Variants in NELL1 observed in about 807,000 individuals in gnomAD.
NELL1 encodes the protein protein kinase C-binding protein NELL1.
Under a neutral mutation model 107.4 loss-of-function variants are expected in NELL1, and 76 were observed. The ratio of observed to expected loss-of-function variants is 0.71; its 90% CI spans 0.59 to 0.86. The LOEUF is 0.86. NELL1 is among the 40% of genes least tolerant of loss of function. The pLI is 0.00. For missense variants in NELL1, 1,024 were observed against 1,005.5 expected, an observed-to-expected ratio of 1.02 and a Z score of -0.25; for synonymous variants, 353 against 341.2, an observed-to-expected ratio of 1.03 and a Z score of -0.38.
chr11:21,173,181 G>A (rs1856642697), intron 13 of NELL1, among the ~76,000 whole-genome samples: 1 of 151,704 alleles, frequency 6.6e-6, no homozygotes. Flanking sequence ...CAGGTCTTTG[G>A]TATGAGACAC....
intron 13 of NELL1, among the ~76,000 whole-genome samples, chr11:21,162,050 A>C (rs1856384307): frequency 7.1e-6 from 1 of 141,528 alleles, no homozygotes; most frequent in Admixed American, 8.1e-5. Context: ...TCCCAGGTTC[A>C]AGTGATTTTC....
intron 14 of NELL1, among the ~76,000 whole-genome samples, chr11:21,262,366 G>A (rs1475527746): frequency 1.3e-5 from 2 of 151,712 alleles, no homozygotes; most frequent in African/African-American, 2.4e-5. Flanking sequence ...TTAGTTGACC[G>A]CTCTGGCTTG....
chr11:21,252,095 C>A (rs1468514669), intron 14 of NELL1, among the ~76,000 whole-genome samples: 5 of 152,106 alleles, frequency 3.3e-5, no homozygotes, highest in African/African-American at 1.2e-4. Flanking sequence ...CTCCAAAGGA[C>A]ATTCATTATT....
chr11:21,528,086 T>C (rs563869323), intron 15 of NELL1, among the ~76,000 whole-genome samples: 1 of 152,316 alleles, frequency 6.6e-6, no homozygotes, highest in South Asian at 2.1e-4. Flanking sequence ...CACAGTCCTT[T>C]CATTTTACAC....
At chr11:21,442,773 TAAC>T (rs1853316680) in intron 15 of NELL1, among the ~76,000 whole-genome samples, 1 of 152,060 alleles carries the variant, frequency 6.6e-6, no homozygotes, top group African/African-American at 2.4e-5. Context: ...AAGCACTACT[TAAC>T]AATAATACAG....
At chr11:21,288,857 C>A (rs1284786936) in intron 14 of NELL1, among the ~76,000 whole-genome samples, 6 of 152,122 alleles carry the variant, frequency 3.9e-5, no homozygotes, top group African/African-American at 1.4e-4. Context: ...TAATGATTGT[C>A]AGTCAGGGGG....
At chr11:20,836,902 C>G (rs982663397) in intron 3 of NELL1, among the ~76,000 whole-genome samples, 1 of 151,976 alleles carries the variant, frequency 6.6e-6, no homozygotes, top group African/African-American at 2.4e-5. Context: ...ATGCATATGT[C>G]AAAAGCCACA....
At position 20,722,889 on chromosome 11, in the gene NELL1, C is replaced by T. The variant is rs142010202; in HGVS notation, c.184+44829C>T. On this transcript the variant is annotated intron_variant, in intron 2 of 19. Transcript: ENST00000357134. ...GAGGTTTATTTGACTCACAGTTTTG[C>T]TTGGCTGGGGTGGCCTCAGGAAAGT... 6.3e-3 allele frequency among the ~76,000 whole-genome samples: 959 copies of T among 152,220 alleles called. 6 individuals are homozygous for T. The highest frequency in any genetic ancestry group is 0.022 in the African/African-American group (908 of 41,538).
At chr11:21,155,716 T>TGA (rs1290588468) in intron 13 of NELL1, among the ~76,000 whole-genome samples, 2 of 151,406 alleles carry the variant, frequency 1.3e-5, no homozygotes, top group Non-Finnish European at 2.9e-5. Flanking sequence ...GGTGAATGAG[T>TGA]GATTAGGAAG....
intron 3 of NELL1, among the ~76,000 whole-genome samples, chr11:20,815,613 C>T (rs368867346): frequency 2.2e-4 from 33 of 152,048 alleles, no homozygotes; most frequent in African/African-American, 6.0e-4. Flanking sequence ...TTGTCTTTTA[C>T]GCTGTTAATA....
intron 4 of NELL1, among the ~76,000 whole-genome samples, chr11:20,872,018 C>CAAAAAAAAAAA (rs1160968611): frequency 2.4e-5 from 1 of 41,700 alleles, no homozygotes; most frequent in Non-Finnish European, 3.9e-5. Context: ...GACTCCGTCT[C>CAAAAAAAAAAA]AAAAAAAAAA....
At chr11:21,313,881 A>G (rs1168951829) in intron 14 of NELL1, among the ~76,000 whole-genome samples, 2 of 151,738 alleles carry the variant, frequency 1.3e-5, no homozygotes, top group East Asian at 3.9e-4. Context: ...TGATTGCATC[A>G]TGGCAGTGGA....
At chr11:21,319,692 G>C (rs1212492913) in intron 14 of NELL1, among the ~76,000 whole-genome samples, 7 of 150,052 alleles carry the variant, frequency 4.7e-5, no homozygotes, top group Non-Finnish European at 8.9e-5. Context: ...GCTCATGCCT[G>C]TAATCCCAGC....
At chr11:21,452,656 T>C (rs1853616692) in intron 15 of NELL1, among the ~76,000 whole-genome samples, 2 of 152,058 alleles carry the variant, frequency 1.3e-5, no homozygotes, top group African/African-American at 4.8e-5. Flanking sequence ...TCATTTCCTA[T>C]ATTATTGACT....
intron 12 of NELL1, among the ~76,000 whole-genome samples, chr11:20,971,012 G>A (rs1280580144): frequency 6.6e-6 from 1 of 152,156 alleles, no homozygotes; most frequent in Non-Finnish European, 1.5e-5. Flanking sequence ...GAATGAACTT[G>A]CATGGCCTTG....
chr11:20,708,138 T>C (rs1855018826), intron 2 of NELL1, among the ~76,000 whole-genome samples: 1 of 152,232 alleles, frequency 6.6e-6, no homozygotes, highest in Admixed American at 6.5e-5. Flanking sequence ...CGTGGGACTC[T>C]CTGAACCAGG....
At chr11:21,172,891 A>G (rs1025219601) in intron 13 of NELL1, among the ~76,000 whole-genome samples, 2 of 150,600 alleles carry the variant, frequency 1.3e-5, no homozygotes, top group African/African-American at 2.5e-5. Context: ...GGATCTTGTA[A>G]GACTTCACTC....
intron 14 of NELL1, among the ~76,000 whole-genome samples, chr11:21,321,771 A>G (rs1850016471): frequency 6.6e-6 from 1 of 152,182 alleles, no homozygotes. Context: ...CTTTCTTTGA[A>G]CAAACATGCA....
chr11:21,018,672 C>T (rs929969661), intron 12 of NELL1, among the ~76,000 whole-genome samples: 5 of 152,052 alleles, frequency 3.3e-5, no homozygotes, highest in Admixed American at 6.5e-5. Context: ...CCCATGTCAA[C>T]GTGAGGCCAG....
Sources: allele counts gnomAD v4.1 joint callset (sites outside exome capture counted in the v4.1 genomes callset), GRCh38; gene constraint gnomAD v4.1.1; transcripts MANE v1.5; gene names NCBI Gene and HGNC (gene_info 2026-07-23, HGNC 2026-07-21).